The following CHERP variants were observed in gnomAD, a reference collection of about 807,000 sequenced individuals.
The protein encoded by CHERP is ERPROT 213-21.
A neutral mutation model predicts 113.8 loss-of-function variants in CHERP; 8 were observed. The observed-to-expected ratio is 0.07, with a 90% CI of 0.04 to 0.13. The LOEUF (loss-of-function observed/expected upper bound fraction) is 0.13. CHERP is among the 10% of genes least tolerant of loss of function. CHERP has a pLI of 1.00. For synonymous variants in CHERP, 559 were observed against 524.5 expected, an observed-to-expected ratio of 1.07 and a Z score of -0.90; for missense variants, 884 against 1,298.2, an observed-to-expected ratio of 0.68 and a Z score of 4.90.
Position 16,520,513 on chromosome 19 carries a change from G to T in CHERP, c.2202-6C>A, listed in dbSNP as rs776486612. 1.2e-6 allele frequency: 2 copies of T among 1,609,606 alleles called. No individual in the cohort carries two copies. Among genetic ancestry groups the T allele is most frequent in the South Asian group, 1.1e-5 (1 of 90,398 alleles). ...TCCGAGACCTCGAGGGTCCGCTGTG[G>T]GGAGAGGCCTGATGATCAGGTGCCC... On this transcript the variant is annotated splice_region_variant and splice_polypyrimidine_tract_variant and intron_variant, in intron 13 of 16. Transcript: ENST00000546361. The surrounding 1 kb of genome is among the most constrained non-coding windows in gnomAD (Gnocchi z 4.0).
Position 16,525,179 on chromosome 19 carries a change from C to T in CHERP, c.1741+63G>A. The T allele has an allele frequency of 7.4e-7, 1 of 1,352,624 alleles. No homozygotes were observed. Among genetic ancestry groups the T allele is most frequent in the South Asian group, 1.8e-5 (1 of 55,940 alleles). 83.8% of individuals were successfully genotyped at this position (1,352,624 alleles called of 1,614,324 possible). On this transcript the variant is annotated intron_variant, in intron 10 of 16. Coordinates refer to ENST00000546361, the MANE Select transcript of CHERP (RefSeq NM_006387.6). The surrounding 1 kb of genome is among the most constrained non-coding windows in gnomAD (Gnocchi z 6.5). The stretch of plus-strand genomic sequence containing the variant: ...GCAGGGCCACAAGCAGCGCCACCAG[C>T]CTGCTCGGCAGGCGAGCCGTGGATG...
Position 16,520,259 on chromosome 19 carries a change from C to T in CHERP, c.2352G>A (p.Arg784=). The T allele has an allele frequency of 6.2e-7, 1 of 1,613,406 alleles. No individual in the cohort carries two copies. Among genetic ancestry groups the T allele is most frequent in the African/African-American group, 1.3e-5 (1 of 75,018 alleles). The change falls in exon 15 of 17, where the codon CGG becomes CGA. Residue 784 remains arginine (R), a synonymous_variant. Coordinates refer to ENST00000546361, the MANE Select transcript of CHERP (RefSeq NM_006387.6). The surrounding 1 kb of genome is among the most constrained non-coding windows in gnomAD (Gnocchi z 4.0). Reference sequence around the variant, plus strand: ...GGCTTCTGGAGGAGCGCGACCTGCTCCGACTTCTGCAGGGAAGGGTGCCCA... The same window carrying T: ...GGCTTCTGGAGGAGCGCGACCTGCTTCGACTTCTGCAGGGAAGGGTGCCCA... ...RSYSRSRSRS[R]SRSRSSRSRS...
chr19:16,542,405 G>A lies in CHERP; in HGVS notation c.-27C>T, dbSNP rs760443633. 5.9e-6 allele frequency: 8 copies of A among 1,350,994 alleles called. No individual in the cohort carries two copies. The highest frequency in any genetic ancestry group is 2.2e-5 in the South Asian group (1 of 44,910). The allele number at this position is 1,350,994 out of a possible 1,614,324, so 83.7% of individuals were successfully genotyped here. A position where few individuals can be genotyped will look rare whatever the true frequency, so the allele number is the denominator to read the frequency against. Reference sequence around the variant, plus strand: ...GCTCCGGCCGCGGGGAACGTCCTCCGGCGCCACACGATCGACCACCAGCGC... The same window carrying A: ...GCTCCGGCCGCGGGGAACGTCCTCCAGCGCCACACGATCGACCACCAGCGC... On this transcript the variant is annotated 5_prime_UTR_variant, in exon 1 of 17. Transcript: ENST00000546361.
In CHERP at chr19:16,530,123, T is replaced by C. The variant is rs929455009; in HGVS notation, c.877-223A>G. ...TGTTCGCTGCAGCGTGTTTTACGAC[T>C]CCCTGATAACAGAACGAGCAACGAC... On this transcript the variant is annotated intron_variant, in intron 7 of 16. Coordinates refer to ENST00000546361, the MANE Select transcript of CHERP (RefSeq NM_006387.6). This position sits in a 1 kb window ranked among gnomAD's most constrained non-coding sequence, Gnocchi z 4.1. Among the ~76,000 whole-genome samples, 1 of 152,200 alleles carries C rather than the reference T, an allele frequency of 6.6e-6. No homozygotes were observed. Among genetic ancestry groups the C allele is most frequent in the Non-Finnish European group, 1.5e-5 (1 of 68,038 alleles).
rs1599751075 is a variant in CHERP at position 16,530,309 on chromosome 19, G to A, written c.876+276C>T. On this transcript the variant is annotated intron_variant, in intron 7 of 16. Transcript: ENST00000546361. This position sits in a 1 kb window ranked among gnomAD's most constrained non-coding sequence, Gnocchi z 4.1. ...GGCTTCCTCATGCTTCCACCACACC[G>A]GAACATGCCTGACCACCAGAGCAAA... Among the ~76,000 whole-genome samples the A allele has an allele frequency of 2.6e-5, 4 of 152,184 alleles. No individual in the cohort carries two copies. The highest frequency in any genetic ancestry group is 2.4e-5 in the African/African-American group (1 of 41,444).
Position 16,530,442 on chromosome 19 carries a change from C to T in CHERP, c.876+143G>A. 1 of 752,218 alleles carries T rather than the reference C, an allele frequency of 1.3e-6. No homozygotes were observed. Among genetic ancestry groups the T allele is most frequent in the Non-Finnish European group, 2.3e-6 (1 of 437,608 alleles). The allele number at this position is 752,218 out of a possible 1,614,324, so 46.6% of individuals were successfully genotyped here. ...ATGTCACCTGGGACTCTCTGGTCAA[C>T]ACACACTGGCTACTCCTAGCACAGG... is the stretch of plus-strand genomic sequence containing the variant. On this transcript the variant is annotated intron_variant, in intron 7 of 16. Transcript: ENST00000546361. The surrounding 1 kb of genome is among the most constrained non-coding windows in gnomAD (Gnocchi z 4.1).
In CHERP at chr19:16,530,461, G is replaced by GC. The variant is rs2085693042; in HGVS notation, c.876+123dup. ...GGTCAACACACACTGGCTACTCCTAGCACAGGCAGGGGACATGGGCTCTCT... is the reference window on the plus strand; with the variant it reads ...GGTCAACACACACTGGCTACTCCTAGCCACAGGCAGGGGACATGGGCTCTCT... On this transcript the variant is annotated intron_variant, in intron 7 of 16. Transcript: ENST00000546361. The surrounding 1 kb of genome is among the most constrained non-coding windows in gnomAD (Gnocchi z 4.1). 1 of 859,136 alleles carries GC rather than the reference G, an allele frequency of 1.2e-6. No individual in the cohort carries two copies. Among genetic ancestry groups the GC allele is most frequent in the Non-Finnish European group, 1.9e-6 (1 of 518,976 alleles). 53.2% of individuals were successfully genotyped at this position (859,136 alleles called of 1,614,324 possible).
chr19:16,527,786 C>T (rs548910961), intron 9 of CHERP, among the ~76,000 whole-genome samples: 1 of 152,206 alleles, frequency 6.6e-6, no homozygotes, highest in Non-Finnish European at 1.5e-5. Context: ...AAACAGAACA[C>T]CCTGCCGTGC....
chr19:16,519,782 G>C lies in CHERP; in HGVS notation c.2463-67C>G, dbSNP rs1027854311. The C allele has an allele frequency of 1.6e-4, 213 of 1,351,076 alleles. No individual in the cohort carries two copies. The highest frequency in any genetic ancestry group is 4.7e-4 in the African/African-American group (33 of 69,800). 83.7% of individuals were successfully genotyped at this position (1,351,076 alleles called of 1,614,324 possible). ...ACATTTATTGGAATGACAGTGATGA[G>C]GACCTCACAGCCGCAGCTTGCGTGC... On this transcript the variant is annotated intron_variant, in intron 15 of 16. Coordinates refer to ENST00000546361, the MANE Select transcript of CHERP (RefSeq NM_006387.6). The surrounding 1 kb of genome is among the most constrained non-coding windows in gnomAD (Gnocchi z 6.0).
rs148619519 is a variant in CHERP, at chr19:16,526,825, A to T, written c.1306-1148T>A. On this transcript the variant is annotated intron_variant, in intron 9 of 16. Coordinates refer to ENST00000546361, the MANE Select transcript of CHERP (RefSeq NM_006387.6). ...GTCACCCAGGCTGGAATGCAGTGGC[A>T]TGACCATAGCTCAATGAAGCCTGAA... is the stretch of plus-strand genomic sequence containing the variant. Among the ~76,000 whole-genome samples the T allele has an allele frequency of 4.2e-4, 64 of 152,314 alleles. 1 individual carries two copies. Among genetic ancestry groups the T allele is most frequent in the African/African-American group, 1.5e-3 (62 of 41,562 alleles).
chr19:16,522,403 C>A (rs1017177065), intron 11 of CHERP, among the ~76,000 whole-genome samples: 1 of 152,202 alleles, frequency 6.6e-6, no homozygotes, highest in African/African-American at 2.4e-5. Flanking sequence ...GGACTACAGG[C>A]GTCTGCCACC....
chr19:16,541,837 G>A (rs1003820388), intron 2 of CHERP, 33 bp downstream of exon 2: 6 of 1,595,966 alleles, frequency 3.8e-6, no homozygotes, highest in Non-Finnish European at 2.6e-6. Flanking sequence ...GGAAGCGCTC[G>A]ATGGGACGGC....
intron 8 of CHERP, among the ~76,000 whole-genome samples, chr19:16,528,668 G>C (rs780727205): frequency 7.9e-5 from 12 of 152,128 alleles, no homozygotes; most frequent in Non-Finnish European, 1.0e-4. Flanking sequence ...AAAATCCTTT[G>C]CTAGGCCGGG....
At position 16,523,387 on chromosome 19, in the gene CHERP, GAACC is replaced by G; in HGVS notation, c.1742-101_1742-98del. Reference sequence around the variant, plus strand: ...GGGGCTCAGTGAAGGGCCAGGAGACGAACCCCTCCTGGGAGCCTGTCCAGCATCT... The same window carrying G: ...GGGGCTCAGTGAAGGGCCAGGAGACGCCTCCTGGGAGCCTGTCCAGCATCT... On this transcript the variant is annotated intron_variant, in intron 10 of 16. Coordinates refer to ENST00000546361, the MANE Select transcript of CHERP (RefSeq NM_006387.6). This position sits in a 1 kb window ranked among gnomAD's most constrained non-coding sequence, Gnocchi z 4.0. The G allele has an allele frequency of 7.1e-7, 1 of 1,411,094 alleles. No homozygotes were observed. Among genetic ancestry groups the G allele is most frequent in the Non-Finnish European group, 9.7e-7 (1 of 1,025,788 alleles). 87.4% of individuals were successfully genotyped at this position (1,411,094 alleles called of 1,614,324 possible).
chr19:16,520,511 T>G lies in CHERP; in HGVS notation c.2202-4A>C, dbSNP rs2303119. The stretch of plus-strand genomic sequence containing the variant: ...GCTCCGAGACCTCGAGGGTCCGCTG[T>G]GGGGAGAGGCCTGATGATCAGGTGC... On this transcript the variant is annotated splice_region_variant and splice_polypyrimidine_tract_variant and intron_variant, in intron 13 of 16. Transcript: ENST00000546361. The surrounding 1 kb of genome is among the most constrained non-coding windows in gnomAD (Gnocchi z 4.0). 6.2e-7 allele frequency: 1 copy of G among 1,610,650 alleles called. No homozygotes were observed. The highest frequency in any genetic ancestry group is 8.5e-7 in the Non-Finnish European group (1 of 1,178,298).
At chr19:16,541,836 C>A (rs1460827701) in intron 2 of CHERP, 34 bp downstream of exon 2, 2 of 1,595,390 alleles carry the variant, frequency 1.3e-6, no homozygotes, top group Non-Finnish European at 1.7e-6. Flanking sequence ...AGGAAGCGCT[C>A]GATGGGACGG....
intron 3 of CHERP, among the ~76,000 whole-genome samples, chr19:16,534,909 C>T (rs2085730831): frequency 5.3e-5 from 8 of 152,140 alleles, no homozygotes; most frequent in Admixed American, 5.2e-4. Context: ...AACTCCATCT[C>T]TACTACAAAT....
chr19:16,519,162 C>T lies in CHERP; in HGVS notation c.2748G>A (p.Lys916=). 2 of 1,612,908 alleles carry T rather than the reference C, an allele frequency of 1.2e-6. No homozygotes were observed. The highest frequency in any genetic ancestry group is 1.1e-5 in the South Asian group (1 of 90,920). The change falls in exon 17 of 17, where the codon AAG becomes AAA. Residue 916 remains lysine (K), a synonymous_variant. Coordinates refer to ENST00000546361, the MANE Select transcript of CHERP (RefSeq NM_006387.6). This position sits in a 1 kb window ranked among gnomAD's most constrained non-coding sequence, Gnocchi z 6.0. The part of the protein sequence containing the change: ...IARMKARDEC[K] ...GCGCGGCTCCCGGCATGGGCGCCTA[C>T]TTACACTCGTCCCTGGCCTTCATGC...
chr19:16,540,437 G>T (rs1359735850), intron 2 of CHERP, among the ~76,000 whole-genome samples: 2 of 134,206 alleles, frequency 1.5e-5, no homozygotes, highest in East Asian at 4.5e-4. Context: ...CAATGGTGTG[G>T]TCTCGGCTCA....
Sources: allele counts gnomAD v4.1 joint callset (sites outside exome capture counted in the v4.1 genomes callset), GRCh38; gene constraint gnomAD v4.1.1; non-coding constraint Gnocchi (gnomAD v3.1); transcripts MANE v1.5; gene names NCBI Gene and HGNC (gene_info 2026-07-23, HGNC 2026-07-21).